The following EPHB2 variants were observed in gnomAD, a reference collection of about 807,000 sequenced individuals.
EPHB2 encodes EPH receptor B2.
Under a neutral mutation model 96.4 loss-of-function variants are expected in EPHB2, and 18 were observed. The ratio of observed to expected loss-of-function variants is 0.19; its 90% CI spans 0.13 to 0.28. The LOEUF (loss-of-function observed/expected upper bound fraction) is 0.28, where lower values mean the gene tolerates loss of function less well. EPHB2 is among the 10% of genes least tolerant of loss of function. The probability of loss-of-function intolerance (pLI) is 1.00; values close to 1 mark genes in which losing one functional copy is unlikely to be tolerated. For synonymous variants in EPHB2, 506 were observed against 534.1 expected, an observed-to-expected ratio of 0.95 and a Z score of 0.72; for missense variants, 989 against 1,355.4, an observed-to-expected ratio of 0.73 and a Z score of 4.25.
chr1:22,781,384 G>A (rs1180246895), intron 1 of EPHB2, 37 bp from the exon 2 acceptor site: 1 of 1,603,988 alleles, frequency 6.2e-7, no homozygotes, highest in Non-Finnish European at 8.5e-7. Context: ...GCGCCTGGTA[G>A]GTGGGGCGGG....
intron 5 of EPHB2, among the ~76,000 whole-genome samples, chr1:22,881,772 T>C (rs1424095866): frequency 6.6e-6 from 1 of 152,116 alleles, no homozygotes; most frequent in Non-Finnish European, 1.5e-5. Flanking sequence ...TTTGTATTTT[T>C]AGTAGACACG....
chr1:22,905,427 G>A (rs1012725442), intron 9 of EPHB2, among the ~76,000 whole-genome samples: 3 of 152,056 alleles, frequency 2.0e-5, no homozygotes, highest in Non-Finnish European at 4.4e-5. Flanking sequence ...CAAGGCTCTG[G>A]GGGCCCATTT....
rs143891098 is a variant in EPHB2 at position 22,755,252 on chromosome 1, G to A, written c.62-26169G>A. ...TGAGAAAACTGAGGTCCGGAGCCAG[G>A]AAGGGACTTGGCGAGGGCGTGGACA... On this transcript the variant is annotated intron_variant, in intron 1 of 15. Transcript: ENST00000374630. 1.6e-4 allele frequency among the ~76,000 whole-genome samples: 25 copies of A among 152,292 alleles called. No individual in the cohort carries two copies. The East Asian group carries it at 4.8e-3, about 29-fold the overall frequency.
chr1:22,848,802 C>T (rs926929387), intron 3 of EPHB2, among the ~76,000 whole-genome samples: 2 of 152,100 alleles, frequency 1.3e-5, no homozygotes, highest in African/African-American at 4.8e-5. Flanking sequence ...TCACAGGCCA[C>T]TGGGGCACAA....
At chr1:22,885,825 T>A (rs546206993) in intron 6 of EPHB2, among the ~76,000 whole-genome samples, 1 of 152,262 alleles carries the variant, frequency 6.6e-6, no homozygotes, top group East Asian at 1.9e-4. Flanking sequence ...GAGGTACACC[T>A]GTGATGAGAC....
At chr1:22,737,790 A>G (rs4233291) in intron 1 of EPHB2, among the ~76,000 whole-genome samples, 150,613 of 152,314 alleles carry the variant, frequency 0.99, 74,487 homozygotes, top group Middle Eastern at 1. Flanking sequence ...TATGAATGAG[A>G]GAATGAATGA....
intron 1 of EPHB2, among the ~76,000 whole-genome samples, chr1:22,741,249 C>T (rs894642968): frequency 3.3e-5 from 5 of 152,088 alleles, no homozygotes; most frequent in African/African-American, 7.2e-5. Context: ...TCTCCTCTCT[C>T]GCTATGGGGC....
At chr1:22,764,180 C>T (rs1219916101) in intron 1 of EPHB2, among the ~76,000 whole-genome samples, 1 of 152,198 alleles carries the variant, frequency 6.6e-6, no homozygotes, top group African/African-American at 2.4e-5. Flanking sequence ...TCTGCTCAGC[C>T]TGGCCCGAGG....
chr1:22,759,182 C>A (rs1439729515), intron 1 of EPHB2, among the ~76,000 whole-genome samples: 1 of 152,118 alleles, frequency 6.6e-6, no homozygotes, highest in East Asian at 1.9e-4. Context: ...CCTCACCTGC[C>A]ATGAAGCTTG....
chr1:22,821,917 T>G (rs1645157491), intron 3 of EPHB2, among the ~76,000 whole-genome samples: 1 of 152,168 alleles, frequency 6.6e-6, no homozygotes, highest in Non-Finnish European at 1.5e-5. Flanking sequence ...TAGATCCATA[T>G]ATTCCTCAGC....
chr1:22,839,236 A>G (rs1645430445), intron 3 of EPHB2, among the ~76,000 whole-genome samples: 1 of 152,196 alleles, frequency 6.6e-6, no homozygotes, highest in Non-Finnish European at 1.5e-5. Context: ...CTGGGCAACC[A>G]CCAGTCAATT....
rs182997756 is a variant in EPHB2 at position 22,858,270 on chromosome 1, A to G, written c.812-4767A>G. Among the ~76,000 whole-genome samples, 14 of 152,304 alleles carry G rather than the reference A, an allele frequency of 9.2e-5. No individual in the cohort carries two copies. The East Asian group carries it at 2.5e-3, about 27-fold the overall frequency. The stretch of plus-strand genomic sequence containing the variant: ...CCAGGAGACCATCAGGACCAACCTC[A>G]CAGGCCTTGTAGCCAGGCTAGGCAT... On this transcript the variant is annotated intron_variant, in intron 3 of 15. Transcript: ENST00000374630. This position sits in a 1 kb window ranked among gnomAD's most constrained non-coding sequence, Gnocchi z 7.7.
chr1:22,871,174 C>G (rs1276087187), intron 5 of EPHB2, among the ~76,000 whole-genome samples: 3 of 152,206 alleles, frequency 2.0e-5, no homozygotes, highest in Non-Finnish European at 4.4e-5. Flanking sequence ...AAGTGACTTA[C>G]TCTGCTCTAT....
intron 1 of EPHB2, among the ~76,000 whole-genome samples, chr1:22,738,906 C>T (rs1262502115): frequency 1.3e-5 from 2 of 152,150 alleles, no homozygotes; most frequent in African/African-American, 4.8e-5. Flanking sequence ...AGCCCTGGGT[C>T]CTGTAGTCTA....
chr1:22,753,252 T>G (rs1644092591), intron 1 of EPHB2, among the ~76,000 whole-genome samples: 2 of 152,186 alleles, frequency 1.3e-5, no homozygotes, highest in Non-Finnish European at 2.9e-5. Context: ...GCAAGTTGCT[T>G]TCACTCTCTG....
chr1:22,822,275 G>A (rs1436953788), intron 3 of EPHB2, among the ~76,000 whole-genome samples: 1 of 152,060 alleles, frequency 6.6e-6, no homozygotes, highest in Non-Finnish European at 1.5e-5. Flanking sequence ...TTGAGGCCAG[G>A]AGTTTGAGAC....
At chr1:22,781,384 G>T (rs1180246895) in intron 1 of EPHB2, 37 bp from the exon 2 acceptor site, 1 of 1,603,892 alleles carries the variant, frequency 6.2e-7, no homozygotes, top group African/African-American at 1.3e-5. Context: ...GCGCCTGGTA[G>T]GTGGGGCGGG....
chr1:22,788,118 C>T (rs1644637867), intron 3 of EPHB2, among the ~76,000 whole-genome samples: 1 of 152,156 alleles, frequency 6.6e-6, no homozygotes, highest in South Asian at 2.1e-4. Flanking sequence ...CCCAATTCAG[C>T]CCATACCCCA....
At chr1:22,796,779 G>T (rs1319499198) in intron 3 of EPHB2, among the ~76,000 whole-genome samples, 2 of 152,226 alleles carry the variant, frequency 1.3e-5, no homozygotes, top group Non-Finnish European at 2.9e-5. Flanking sequence ...TCAATTGGGT[G>T]CTCACTCTGT....
Sources: allele counts gnomAD v4.1 joint callset (sites outside exome capture counted in the v4.1 genomes callset), GRCh38; gene constraint gnomAD v4.1.1; non-coding constraint Gnocchi (gnomAD v3.1); transcripts MANE v1.5; gene names NCBI Gene and HGNC (gene_info 2026-07-23, HGNC 2026-07-21).